The following ARHGEF15 variants were observed in gnomAD, a reference collection of about 807,000 sequenced individuals.
ARHGEF15 encodes the protein Rho guanine nucleotide exchange factor (GEF) 15.
In ARHGEF15, 58 loss-of-function variants were observed where a neutral mutation model predicts 79.7. The ratio of observed to expected loss-of-function variants is 0.73; its 90% CI spans 0.59 to 0.91. ARHGEF15 has a LOEUF of 0.91. Among genes scored for constraint, ARHGEF15 ranks in the 40% least tolerant of loss-of-function variants. The pLI, the probability that ARHGEF15 is intolerant of heterozygous loss-of-function variation, is 0.00. For synonymous variants in ARHGEF15, 442 were observed against 456.0 expected, an observed-to-expected ratio of 0.97 and a Z score of 0.39; for missense variants, 1,012 against 1,108.1, an observed-to-expected ratio of 0.91 and a Z score of 1.23.
chr17:8,313,472 T>G, intron 3 of ARHGEF15, 29 bp from the exon 4 acceptor site: 1 of 1,603,820 alleles, frequency 6.2e-7, no homozygotes, highest in Non-Finnish European at 8.5e-7. Flanking sequence ...GGAGTTTTTT[T>G]TTCTCTTCAC....
chr17:8,318,746 G>C lies in ARHGEF15; in HGVS notation c.1873-4G>C. 6.2e-7 allele frequency: 1 copy of C among 1,611,946 alleles called. No individual in the cohort carries two copies. The highest frequency in any genetic ancestry group is 8.5e-7 in the Non-Finnish European group (1 of 1,179,362). On this transcript the variant is annotated splice_region_variant and splice_polypyrimidine_tract_variant and intron_variant, in intron 11 of 15. Coordinates refer to ENST00000361926, the MANE Select transcript of ARHGEF15 (RefSeq NM_173728.4). This position sits in a 1 kb window ranked among gnomAD's most constrained non-coding sequence, Gnocchi z 5.0. The stretch of plus-strand genomic sequence containing the variant: ...GAACCTCCTCTGCCTCCGCTTCCTC[G>C]CAGGCCCTGCCCCTGGTCTCCTGGT...
At chr17:8,316,239 A>G (rs1597464340) in intron 9 of ARHGEF15, 91 bp downstream of exon 9, 2 of 1,495,594 alleles carry the variant, frequency 1.3e-6, no homozygotes, top group Non-Finnish European at 1.8e-6. Flanking sequence ...ATCACCATGC[A>G]CTACTCCACC....
intron 9 of ARHGEF15, 56 bp downstream of exon 9, chr17:8,316,204 C>T: frequency 1.3e-6 from 2 of 1,572,138 alleles, no homozygotes; most frequent in Non-Finnish European, 8.6e-7. Flanking sequence ...GAGAACTCTC[C>T]CGAGGGCTTC....
chr17:8,315,775 C>A lies in ARHGEF15; in HGVS notation c.1442C>A (p.Ser481Tyr), dbSNP rs771180941. 1.2e-6 allele frequency: 2 copies of A among 1,613,346 alleles called. No individual in the cohort carries two copies. The highest frequency in any genetic ancestry group is 1.7e-5 in the Admixed American group (1 of 59,994). The change falls in exon 8 of 16, where the codon TCC becomes TAC. Residue 481 changes from serine to tyrosine, a missense_variant. Ser to Tyr is a moderately radical substitution (Grantham distance 144). Around this residue, in one of 3 missense-constraint regions of ARHGEF15, gnomAD observed 818 missense variants for 882.5 expected, o/e 0.93. Coordinates refer to ENST00000361926, the MANE Select transcript of ARHGEF15 (RefSeq NM_173728.4). The surrounding 1 kb of genome is among the most constrained non-coding windows in gnomAD (Gnocchi z 4.3). ...VSERFLATLL[S>Y]RVRSSPHISD... ...TTCAGGTTTCTAGCAACGCTCCTGT[C>A]CCGTGTGCGCTCTTCCCCCCACATC...
chr17:8,316,169 C>T (rs1477153608), intron 9 of ARHGEF15, 21 bp downstream of exon 9: 1 of 1,595,972 alleles, frequency 6.3e-7, no homozygotes, highest in Non-Finnish European at 8.5e-7. Context: ...CAGCTGCGGC[C>T]GTTTCTGCCC....
Position 8,313,270 on chromosome 17 carries a change from G to A in ARHGEF15, c.934+16G>A, listed in dbSNP as rs1198901315. 2 of 1,600,826 alleles carry A rather than the reference G, an allele frequency of 1.2e-6. No individual in the cohort carries two copies. The highest frequency in any genetic ancestry group is 1.7e-6 in the Non-Finnish European group (2 of 1,177,782). On this transcript the variant is annotated intron_variant, in intron 3 of 15. Transcript: ENST00000361926. ...ATCCAAACAGGTGCAGGGCCTGGGG[G>A]AGTGGACCTCTGGGCTGTGAGGGGA...
At chr17:8,311,421 G>A (rs1054900030) in intron 1 of ARHGEF15, among the ~76,000 whole-genome samples, 2 of 152,032 alleles carry the variant, frequency 1.3e-5, no homozygotes, top group Non-Finnish European at 2.9e-5. Flanking sequence ...CCTCATCTCC[G>A]GGGGTCAGAG....
intron 2 of ARHGEF15, 86 bp from the exon 3 acceptor site, chr17:8,312,836 C>A: frequency 6.4e-7 from 1 of 1,561,712 alleles, no homozygotes; most frequent in Non-Finnish European, 8.7e-7. Flanking sequence ...ATTGCAGTTG[C>A]TGGGCAGGTT....
Position 8,315,024 on chromosome 17 carries a change from G to T in ARHGEF15, c.1049-42G>T. 1 of 1,613,694 alleles carries T rather than the reference G, an allele frequency of 6.2e-7. No individual in the cohort carries two copies. The highest frequency in any genetic ancestry group is 8.5e-7 in the Non-Finnish European group (1 of 1,179,756). The stretch of plus-strand genomic sequence containing the variant: ...ACCATCAAGCAGTGGGGAAGGGTTT[G>T]GGAGCCCTGGGCTTCCCTGAAGTGC... On this transcript the variant is annotated intron_variant, in intron 5 of 15. Coordinates refer to ENST00000361926, the MANE Select transcript of ARHGEF15 (RefSeq NM_173728.4). The surrounding 1 kb of genome is among the most constrained non-coding windows in gnomAD (Gnocchi z 4.3).
rs1023920994 is a variant in ARHGEF15, at chr17:8,318,175, T to C, written c.1705-212T>C. ...AATCCTCAAAACAATGCTATTGATA[T>C]GCTAGGTGGGTATTAGCCCCATTTT... is the stretch of plus-strand genomic sequence containing the variant. On this transcript the variant is annotated intron_variant, in intron 9 of 15. Transcript: ENST00000361926. The surrounding 1 kb of genome is among the most constrained non-coding windows in gnomAD (Gnocchi z 5.0). The C allele has an allele frequency of 4.4e-5, 25 of 567,318 alleles. No individual in the cohort carries two copies. Among genetic ancestry groups the C allele is most frequent in the Non-Finnish European group, 7.3e-5 (23 of 315,914 alleles). 35.1% of individuals were successfully genotyped at this position (567,318 alleles called of 1,614,324 possible). A position where few individuals can be genotyped will look rare whatever the true frequency, so the allele number is the denominator to read the frequency against.
rs1469493290 is a variant in ARHGEF15, at chr17:8,313,172, T to A, written c.852T>A (p.Thr284=). ...LLPLLKPPKP[T]RVRQDATIFG... is the part of the protein sequence containing the mutation. ...CACTCCTCAAGCCTCCCAAACCAAC[T>A]CGTGTCAGGCAGGATGCCACCATTT... The change falls in exon 3 of 16, where the codon ACT becomes ACA. Residue 284 remains threonine, a synonymous_variant. Coordinates refer to ENST00000361926, the MANE Select transcript of ARHGEF15 (RefSeq NM_173728.4). The A allele has an allele frequency of 1.9e-6, 3 of 1,578,232 alleles. No individual in the cohort carries two copies. The Admixed American group carries it at 5.1e-5, about 27-fold the overall frequency.
At position 8,314,927 on chromosome 17, in the gene ARHGEF15, G is replaced by T; in HGVS notation, c.1011G>T (p.Val337=). The stretch of plus-strand genomic sequence containing the variant: ...ACAGGGAAGAGGAGGGGCTAGAGGT[G>T]CTGAAGGAGCAGAATTGGGAGCTGC... ...VEGREEEGLE[V]LKEQNWELPL... The change falls in exon 5 of 16, where the codon GTG becomes GTT. Residue 337 remains valine, a synonymous_variant. Coordinates refer to ENST00000361926, the MANE Select transcript of ARHGEF15 (RefSeq NM_173728.4). The T allele has an allele frequency of 6.2e-7, 1 of 1,614,026 alleles. No homozygotes were observed.
intron 1 of ARHGEF15, among the ~76,000 whole-genome samples, chr17:8,310,595 C>T (rs1047791833): frequency 1.3e-5 from 2 of 150,770 alleles, no homozygotes; most frequent in African/African-American, 4.9e-5. Context: ...CCCTGTCCAC[C>T]TCACCCCTAT....
At position 8,322,351 on chromosome 17, in the gene ARHGEF15, C is replaced by T. The variant is rs1905440232; in HGVS notation, c.*1358C>T. 6.6e-6 allele frequency: 1 copy of T among 152,402 alleles called. No homozygotes were observed. Among genetic ancestry groups the T allele is most frequent in the African/African-American group, 2.4e-5 (1 of 41,470 alleles). 9.4% of individuals were successfully genotyped at this position (152,402 alleles called of 1,614,324 possible). A position where few individuals can be genotyped will look rare whatever the true frequency, so the allele number is the denominator to read the frequency against. On this transcript the variant is annotated 3_prime_UTR_variant, in exon 16 of 16. Transcript: ENST00000361926. Reference sequence around the variant, plus strand: ...CCTTCAGCTCAGGCACAGCAACTTGCCCAGGACTGACACTGTCACCCTGAC... The same window carrying T: ...CCTTCAGCTCAGGCACAGCAACTTGTCCAGGACTGACACTGTCACCCTGAC...
chr17:8,315,866 G>T lies in ARHGEF15; in HGVS notation c.1533G>T (p.Val511=). 6.2e-7 allele frequency: 1 copy of T among 1,611,796 alleles called. No individual in the cohort carries two copies. Residue 511 remains valine (V), a synonymous_variant, in exon 8 of 16, where the codon GTG becomes GTT. Coordinates refer to ENST00000361926, the MANE Select transcript of ARHGEF15 (RefSeq NM_173728.4). This position sits in a 1 kb window ranked among gnomAD's most constrained non-coding sequence, Gnocchi z 4.3. ...CTTTCTCGGTGTATGTGGATTATGT[G>T]CGGAACCAGCAGTATCAGGAGGAGA... ...VGPFSVYVDY[V]RNQQYQEETY... is the part of the protein sequence containing the mutation.
rs1179567058 is a variant in ARHGEF15 at position 8,312,384 on chromosome 17, G to A, written c.345G>A (p.Arg115=). 6.2e-7 allele frequency: 1 copy of A among 1,609,706 alleles called. No individual in the cohort carries two copies. The part of the protein sequence containing the change: ...RRSASPEPAP[R]SPVPPPKPSG... ...CCGCCTCCCCAGAACCTGCTCCCCG[G>A]TCTCCAGTCCCCCCACCCAAGCCGT... Residue 115 remains arginine, a synonymous_variant, in exon 2 of 16, where the codon CGG becomes CGA. Coordinates refer to ENST00000361926, the MANE Select transcript of ARHGEF15 (RefSeq NM_173728.4).
Position 8,314,932 on chromosome 17 carries a change from AGGAGCAGAATTG to A in ARHGEF15, c.1022_1033del (p.Gln341_Glu344del). On this transcript the variant is annotated inframe_deletion, in exon 5 of 16. Coordinates refer to ENST00000361926, the MANE Select transcript of ARHGEF15 (RefSeq NM_173728.4). ...GAAGAGGAGGGGCTAGAGGTGCTGA[AGGAGCAGAATTG>A]GGAGCTGCCCCTGCAGGATGGTGAG... The A allele has an allele frequency of 6.2e-7, 1 of 1,613,980 alleles. No homozygotes were observed. The highest frequency in any genetic ancestry group is 8.5e-7 in the Non-Finnish European group (1 of 1,179,974).
At position 8,318,653 on chromosome 17, in the gene ARHGEF15, CAA is replaced by C; in HGVS notation, c.1865_1866del (p.Lys622SerfsTer21). ...GGCTCACCCAAAGGCTGCGCTTCCACAAAGTCAAGGTACATCGCTGCCCAGGC... is the reference window on the plus strand; with the variant it reads ...GGCTCACCCAAAGGCTGCGCTTCCACAGTCAAGGTACATCGCTGCCCAGGC... ...IRLTQRLRFH[K>X]VKALPLVSWS... On this transcript the variant is annotated frameshift_variant, in exon 11 of 16. Transcript: ENST00000361926. LOFTEE classifies it high-confidence loss of function. This position sits in a 1 kb window ranked among gnomAD's most constrained non-coding sequence, Gnocchi z 5.0. 6.2e-7 allele frequency: 1 copy of C among 1,613,368 alleles called. No individual in the cohort carries two copies. Among genetic ancestry groups the C allele is most frequent in the South Asian group, 1.1e-5 (1 of 91,042 alleles).
At chr17:8,311,080 T>A (rs1033551894) in intron 1 of ARHGEF15, among the ~76,000 whole-genome samples, 2 of 152,018 alleles carry the variant, frequency 1.3e-5, no homozygotes, top group Non-Finnish European at 2.9e-5. Flanking sequence ...AACCCCCTTG[T>A]TCCCCCCTCA....
Sources: gnomAD v4.1 joint callset for allele counts (sites outside exome capture counted in the v4.1 genomes callset) on GRCh38, gnomAD v4.1.1 for gene constraint, gnomAD v4.1.1 regional missense constraint, Gnocchi (gnomAD v3.1) non-coding constraint, MANE v1.5 for transcripts, NCBI Gene and HGNC (gene_info 2026-07-23, HGNC 2026-07-21) for gene names.